AFDN: variants seen among roughly 807,000 people sequenced by gnomAD.
AFDN encodes the protein afadin.
A neutral mutation model predicts 216.6 loss-of-function variants in AFDN; 68 were observed. The observed-to-expected ratio is 0.31, with a 90% CI of 0.26 to 0.38. The LOEUF is 0.38. Ranked by LOEUF, AFDN falls within the 10% of genes least tolerant of loss-of-function variation. The pLI, the probability that AFDN is intolerant of heterozygous loss-of-function variation, is 1.00. For missense variants in AFDN, 2,136 were observed against 2,342.0 expected (o/e 0.91, Z 1.82); for synonymous variants, 868 against 853.7 (o/e 1.02, Z -0.29).
intron 23 of AFDN, among the ~76,000 whole-genome samples, chr6:167,935,673 A>G (rs1420915016): frequency 6.6e-6 from 1 of 152,228 alleles, no homozygotes; most frequent in Non-Finnish European, 1.5e-5. Context: ...TATCTTTTCA[A>G]ATACCATATT....
Position 167,962,719 on chromosome 6 carries a change from A to G in AFDN, c.4968+152A>G, listed in dbSNP as rs961616133. 6.6e-7 allele frequency: 1 copy of G among 1,521,504 alleles called. No homozygotes were observed. Among genetic ancestry groups the G allele is most frequent in the Non-Finnish European group, 8.8e-7 (1 of 1,137,050 alleles). The allele number at this position is 1,521,504 out of a possible 1,614,324, so 94.3% of individuals were successfully genotyped here. On this transcript the variant is annotated intron_variant, in intron 31 of 33. Coordinates refer to ENST00000683244, the MANE Select transcript of AFDN (RefSeq NM_001386888.1). This position sits in a 1 kb window ranked among gnomAD's most constrained non-coding sequence, Gnocchi z 5.2. ...CCCCAGCTTTGTGATTGGACCTGCA[A>G]CTTTACCCCATCTGGCCCACCTACC...
In AFDN at chr6:167,917,112, T is replaced by C. The variant is rs1242057345; in HGVS notation, c.2589T>C (p.Asp863=). The change falls in exon 20 of 34, where the codon GAT becomes GAC. Residue 863 remains aspartate, a synonymous_variant. Transcript: ENST00000683244. ...AGGCAACGACTTTGCTTACCATGGA[T>C]AAGTATGCACCTGATGACATTCCAA... ...IVQATTLLTM[D]KYAPDDIPNI... 2 of 1,613,072 alleles carry C rather than the reference T, an allele frequency of 1.2e-6. No individual in the cohort carries two copies. Among genetic ancestry groups the C allele is most frequent in the Non-Finnish European group, 1.7e-6 (2 of 1,179,650 alleles).
At chr6:167,938,285 G>A (rs984527990) in intron 23 of AFDN, among the ~76,000 whole-genome samples, 9 of 152,160 alleles carry the variant, frequency 5.9e-5, no homozygotes. Flanking sequence ...GGTGAGGGGC[G>A]ATTTGGGTGG....
At chr6:167,870,738 G>A (rs897878055) in intron 3 of AFDN, among the ~76,000 whole-genome samples, 6 of 151,444 alleles carry the variant, frequency 4.0e-5, no homozygotes, top group South Asian at 4.2e-4. Context: ...ATGTAAACTC[G>A]TTACTGTGAG....
intron 1 of AFDN, among the ~76,000 whole-genome samples, chr6:167,852,058 A>G (rs9355139): frequency 0.3 from 46,283 of 151,974 alleles, 8,099 homozygotes; most frequent in East Asian, 0.6. Flanking sequence ...ACTGTTTTTT[A>G]AAGCAGATCC....
In AFDN at chr6:167,951,161, A is replaced by C. The variant is rs755676258; in HGVS notation, c.3832-25A>C. ...GTAATTTCTAGTAAATGGCTGAAATATAATAATTCTTTTTCTTTTTGCAGC... is the reference window on the plus strand; with the variant it reads ...GTAATTTCTAGTAAATGGCTGAAATCTAATAATTCTTTTTCTTTTTGCAGC... On this transcript the variant is annotated intron_variant, in intron 29 of 33. Transcript: ENST00000683244. The surrounding 1 kb of genome is among the most constrained non-coding windows in gnomAD (Gnocchi z 7.1). 6.6e-6 allele frequency: 10 copies of C among 1,516,866 alleles called. No individual in the cohort carries two copies. The highest frequency in any genetic ancestry group is 8.8e-6 in the Non-Finnish European group (10 of 1,134,268). The allele number at this position is 1,516,866 out of a possible 1,614,324, so 94.0% of individuals were successfully genotyped here. A position where few individuals can be genotyped will look rare whatever the true frequency, so the allele number is the denominator to read the frequency against.
In AFDN at chr6:167,948,334, C is replaced by T. The variant is rs757971809; in HGVS notation, c.3687C>T (p.Pro1229=). The T allele has an allele frequency of 4.3e-6, 7 of 1,613,978 alleles. No individual in the cohort carries two copies. The highest frequency in any genetic ancestry group is 5.9e-6 in the Non-Finnish European group (7 of 1,180,002). Residue 1229 remains proline, a synonymous_variant, in exon 29 of 34, where the codon CCC becomes CCT. Coordinates refer to ENST00000683244, the MANE Select transcript of AFDN (RefSeq NM_001386888.1). ...PPPRPEAYPI[P]TQTYTREYFT... is the part of the protein sequence containing the mutation. ...CTAGACCTGAAGCCTACCCCATCCCCACTCAGACGTACACCAGAGAGTATT... is the reference window on the plus strand; with the variant it reads ...CTAGACCTGAAGCCTACCCCATCCCTACTCAGACGTACACCAGAGAGTATT...
intron 26 of AFDN, 56 bp from the exon 27 acceptor site, chr6:167,946,651 T>C: frequency 6.9e-7 from 1 of 1,442,660 alleles, no homozygotes; most frequent in Non-Finnish European, 9.7e-7. Context: ...ATTTTAATGA[T>C]AATCAGGGTG....
chr6:167,919,504 T>C (rs1368703291), intron 21 of AFDN, among the ~76,000 whole-genome samples: 1 of 152,258 alleles, frequency 6.6e-6, no homozygotes, highest in African/African-American at 2.4e-5. Flanking sequence ...CATGCAGAAC[T>C]CTAGCACAGA....
At chr6:167,908,566 T>C (rs1790005644) in intron 13 of AFDN, among the ~76,000 whole-genome samples, 1 of 152,216 alleles carries the variant, frequency 6.6e-6, no homozygotes, top group Admixed American at 6.5e-5. Context: ...ATCATAGTTC[T>C]TAGCTCATAA....
At chr6:167,925,427 T>C (rs566830434) in intron 23 of AFDN, among the ~76,000 whole-genome samples, 2 of 152,128 alleles carry the variant, frequency 1.3e-5, no homozygotes, top group Non-Finnish European at 2.9e-5. Flanking sequence ...GAAAACTGCA[T>C]CGTGGGAGTG....
chr6:167,883,850 A>G (rs986196476), intron 6 of AFDN, among the ~76,000 whole-genome samples: 3 of 150,864 alleles, frequency 2.0e-5, no homozygotes, highest in Non-Finnish European at 4.4e-5. Context: ...AATACAACAA[A>G]TGAAGTTTGC....
chr6:167,965,702 C>G, intron 31 of AFDN, 55 bp from the exon 32 acceptor site: 1 of 1,456,260 alleles, frequency 6.9e-7, no homozygotes, highest in Non-Finnish European at 9.1e-7. Flanking sequence ...CCCAGTGGGT[C>G]GGCTGTTCCC....
chr6:167,941,706 G>T (rs1455823673), intron 23 of AFDN, among the ~76,000 whole-genome samples: 1 of 59,854 alleles, frequency 1.7e-5, no homozygotes. Context: ...GACACAGAGG[G>T]ATGTAGGGGT....
intron 33 of AFDN, among the ~76,000 whole-genome samples, chr6:167,969,550 G>T (rs996825240): frequency 2.6e-5 from 4 of 152,164 alleles, no homozygotes; most frequent in African/African-American, 9.7e-5. Context: ...CAAGTTTTTT[G>T]AGAGTTGACT....
At chr6:167,910,954 A>G (rs565458106) in intron 13 of AFDN, 147 bp from the exon 14 acceptor site, 2 of 683,046 alleles carry the variant, frequency 2.9e-6, no homozygotes, top group East Asian at 2.7e-5. Context: ...ATTAGGCTAC[A>G]TCTGAAAACA....
In AFDN at chr6:167,951,765, C is replaced by T. The variant is rs75845754; in HGVS notation, c.4411C>T (p.Pro1471Ser). 3 of 1,614,034 alleles carry T rather than the reference C, an allele frequency of 1.9e-6. No individual in the cohort carries two copies. In the African/African-American group the frequency reaches 4.0e-5, roughly 22 times the overall value. Reference protein sequence around the residue: ...FSPLTAQQMKPEKPSTLQRPQ... With the variant: ...FSPLTAQQMKSEKPSTLQRPQ... ...TCCCCTGACTGCACAGCAGATGAAG[C>T]CCGAAAAGCCTTCCACACTCCAGCG... is the stretch of plus-strand genomic sequence containing the variant. Residue 1471 changes from proline to serine, a missense_variant, in exon 30 of 34, where the codon CCC (proline) becomes TCC (serine). Pro to Ser is a moderately conservative substitution (Grantham distance 74, BLOSUM62 -1). Coordinates refer to ENST00000683244, the MANE Select transcript of AFDN (RefSeq NM_001386888.1). The surrounding 1 kb of genome is among the most constrained non-coding windows in gnomAD (Gnocchi z 7.1).
intron 1 of AFDN, among the ~76,000 whole-genome samples, chr6:167,855,395 T>A (rs182898137): frequency 2.2e-4 from 34 of 152,180 alleles, no homozygotes; most frequent in Admixed American, 3.9e-4. Context: ...AGAAGATAAG[T>A]TTAATCTTAC....
At chr6:167,850,230 T>G (rs891647187) in intron 1 of AFDN, among the ~76,000 whole-genome samples, 7 of 152,208 alleles carry the variant, frequency 4.6e-5, no homozygotes, top group African/African-American at 1.4e-4. Context: ...TTCTCATTTG[T>G]TCTTTTCACC....
Sources: allele counts gnomAD v4.1 joint callset (sites outside exome capture counted in the v4.1 genomes callset), GRCh38; gene constraint gnomAD v4.1.1; non-coding constraint Gnocchi (gnomAD v3.1); transcripts MANE v1.5; gene names NCBI Gene and HGNC (gene_info 2026-07-23, HGNC 2026-07-21).